PRSS23: variants seen among roughly 807,000 people sequenced by gnomAD.
PRSS23 encodes the protein protease, serine 23.
In PRSS23, 25 loss-of-function variants were observed where a neutral mutation model predicts 34.7. The observed-to-expected ratio is 0.72, with a 90% CI of 0.53 to 1.01. The LOEUF (loss-of-function observed/expected upper bound fraction) is 1.01, where lower values mean the gene tolerates loss of function less well. Ranked by LOEUF, PRSS23 falls within the 50% of genes least tolerant of loss-of-function variation. The pLI is 0.00. For synonymous variants in PRSS23, 176 were observed against 186.6 expected, an observed-to-expected ratio of 0.94 and a Z score of 0.46; for missense variants, 445 against 475.6, an observed-to-expected ratio of 0.94 and a Z score of 0.60.
At chr11:86,825,955 G>C (rs1948296851) in intron 2 of PRSS23, among the ~76,000 whole-genome samples, 1 of 152,190 alleles carries the variant, frequency 6.6e-6, no homozygotes, top group Non-Finnish European at 1.5e-5. Flanking sequence ...GATTGACTTG[G>C]CAATGCGGGA....
intron 2 of PRSS23, among the ~76,000 whole-genome samples, chr11:86,885,143 T>C (rs1474807776): frequency 6.6e-6 from 1 of 152,224 alleles, no homozygotes; most frequent in African/African-American, 2.4e-5. Context: ...TAAATCTCCA[T>C]TGTTCAGTAC....
intron 2 of PRSS23, among the ~76,000 whole-genome samples, chr11:86,913,638 G>A (rs1948992716): frequency 1.3e-5 from 2 of 151,672 alleles, no homozygotes; most frequent in African/African-American, 4.9e-5. Context: ...CAAGTGCAAT[G>A]AAAGTTTGTA....
At chr11:86,814,911 CTA>C (rs1340587242), downstream of PRSS23, among the ~76,000 whole-genome samples, 1 of 152,160 alleles carries the variant, frequency 6.6e-6, no homozygotes, top group Non-Finnish European at 1.5e-5. Flanking sequence ...TGGTATTTGT[CTA>C]TGTGTGTATC....
chr11:86,887,362 G>A (rs1948809181), intron 2 of PRSS23, among the ~76,000 whole-genome samples: 1 of 142,814 alleles, frequency 7.0e-6, no homozygotes, highest in African/African-American at 2.6e-5. Flanking sequence ...TGGGAAATGG[G>A]AAATGACCAG....
intron 2 of PRSS23, among the ~76,000 whole-genome samples, chr11:86,876,589 C>T (rs1948725564): frequency 6.6e-6 from 1 of 152,142 alleles, no homozygotes; most frequent in Non-Finnish European, 1.5e-5. Context: ...TTGACATCAC[C>T]TAGGAGCTGG....
intron 2 of PRSS23, among the ~76,000 whole-genome samples, chr11:86,906,311 C>G (rs555070741): frequency 9.2e-5 from 14 of 152,348 alleles, no homozygotes; most frequent in Admixed American, 9.1e-4. Context: ...AAACCCTAAG[C>G]CATGGGCTCG....
intron 2 of PRSS23, among the ~76,000 whole-genome samples, chr11:86,834,772 T>C (rs796747437): frequency 2.6e-5 from 4 of 152,278 alleles, no homozygotes; most frequent in African/African-American, 9.6e-5. Context: ...TAGGTAAGCA[T>C]ACATAGAGTC....
chr11:86,827,800 G>A (rs1411287479), intron 2 of PRSS23, among the ~76,000 whole-genome samples: 1 of 152,100 alleles, frequency 6.6e-6, no homozygotes, highest in South Asian at 2.1e-4. Context: ...GTAGTTGAGT[G>A]GTTTTGAGAG....
intron 2 of PRSS23, among the ~76,000 whole-genome samples, chr11:86,850,682 G>A (rs1156314475): frequency 6.6e-6 from 1 of 152,028 alleles, no homozygotes; most frequent in Non-Finnish European, 1.5e-5. Flanking sequence ...AATGTTAACT[G>A]CCCATTTTTC....
chr11:86,941,873 C>T (rs1417554552), intron 2 of PRSS23, among the ~76,000 whole-genome samples: 1 of 152,152 alleles, frequency 6.6e-6, no homozygotes, highest in Non-Finnish European at 1.5e-5. Flanking sequence ...TGTTTGTCAT[C>T]AAAGCCCTTC....
chr11:86,830,244 A>G (rs560597779), intron 2 of PRSS23, among the ~76,000 whole-genome samples: 1 of 152,188 alleles, frequency 6.6e-6, no homozygotes, highest in African/African-American at 2.4e-5. Flanking sequence ...TTGATCTCAG[A>G]CTGCTGTGCT....
At chr11:86,866,339 T>C (rs1022385833) in intron 2 of PRSS23, among the ~76,000 whole-genome samples, 18 of 152,086 alleles carry the variant, frequency 1.2e-4, no homozygotes, top group African/African-American at 3.9e-4. Context: ...GGTGGGGAGC[T>C]GCAGTCAGTA....
At chr11:86,890,652 A>G (rs1948835376) in intron 2 of PRSS23, among the ~76,000 whole-genome samples, 1 of 152,116 alleles carries the variant, frequency 6.6e-6, no homozygotes, top group Admixed American at 6.5e-5. Flanking sequence ...TGTACACGGG[A>G]TTGAGGCCCT....
chr11:86,871,063 T>C (rs190959706), intron 2 of PRSS23, among the ~76,000 whole-genome samples: 1 of 152,334 alleles, frequency 6.6e-6, no homozygotes, highest in Admixed American at 6.5e-5. Flanking sequence ...AATTTTTTAT[T>C]ATACACTGGA....
intron 2 of PRSS23, among the ~76,000 whole-genome samples, chr11:86,943,033 C>T (rs1428697033): frequency 6.6e-6 from 1 of 152,180 alleles, no homozygotes; most frequent in East Asian, 1.9e-4. Flanking sequence ...GAGAAAAAAT[C>T]AGTTCTCAGG....
At chr11:86,924,915 C>T (rs1949070510) in intron 2 of PRSS23, 1 of 152,184 alleles carries the variant, frequency 6.6e-6, no homozygotes, top group South Asian at 2.1e-4. Flanking sequence ...GAATCAACAT[C>T]CTGATTGCTG....
chr11:86,791,118 T>G (rs2135587418), exon 1 of PRSS23: 1 of 152,452 alleles, frequency 6.6e-6, no homozygotes, highest in Admixed American at 6.5e-5. Context: ...TCACCCTTCC[T>G]CCAGGAGCAC....
In PRSS23 at chr11:86,883,477, A is replaced by G. The variant is rs369767350; in HGVS notation, c.206+59884A>G. Among the ~76,000 whole-genome samples, 24 of 152,318 alleles carry G rather than the reference A, an allele frequency of 1.6e-4. No individual in the cohort carries two copies. In the East Asian group the frequency reaches 4.6e-3, roughly 29 times the overall value. On this transcript the variant is annotated intron_variant, in intron 2 of 2. Coordinates refer to the PRSS23 transcript ENST00000533902. ...TGAAACTGGACTCCTTCTTTACACTATATACAAAAATTAACTCAAGATGGA... is the reference window on the plus strand; with the variant it reads ...TGAAACTGGACTCCTTCTTTACACTGTATACAAAAATTAACTCAAGATGGA...
intron 2 of PRSS23, among the ~76,000 whole-genome samples, chr11:86,881,849 C>T (rs1169931606): frequency 6.6e-6 from 1 of 152,102 alleles, no homozygotes; most frequent in African/African-American, 2.4e-5. Context: ...AGCAATTTGT[C>T]CATTTCATCT....
Sources: allele counts gnomAD v4.1 joint callset (sites outside exome capture counted in the v4.1 genomes callset), GRCh38; gene constraint gnomAD v4.1.1; transcripts MANE v1.5; gene names NCBI Gene and HGNC (gene_info 2026-07-23, HGNC 2026-07-21).